Variants in GRM7 observed in about 807,000 individuals in gnomAD.
The protein encoded by GRM7 is glutamate metabotropic receptor 7, also known as metabotropic glutamate receptor 7.
Under a neutral mutation model 84.5 loss-of-function variants are expected in GRM7, and 35 were observed. The ratio of observed to expected loss-of-function variants is 0.41; its 90% confidence interval spans 0.32 to 0.55. The LOEUF (loss-of-function observed/expected upper bound fraction) is 0.55. Ranked by LOEUF, GRM7 falls within the 20% of genes least tolerant of loss-of-function variation. The probability of loss-of-function intolerance (pLI) is 0.19; values close to 1 mark genes in which losing one functional copy is unlikely to be tolerated. For missense variants in GRM7, 1,003 were observed against 1,194.6 expected (o/e 0.84, Z 2.36); for synonymous variants, 487 against 455.1 (o/e 1.07, Z -0.89).
intron 5 of GRM7, among the ~76,000 whole-genome samples, chr3:7,425,805 A>C (rs912684110): frequency 6.6e-6 from 1 of 152,250 alleles, no homozygotes; most frequent in Non-Finnish European, 1.5e-5. Flanking sequence ...AAAAGATGCC[A>C]AGAACCAAGC....
chr3:6,895,815 C>G (rs531079830), intron 1 of GRM7, among the ~76,000 whole-genome samples: 18 of 152,102 alleles, frequency 1.2e-4, no homozygotes, highest in Non-Finnish European at 1.9e-4. Flanking sequence ...TTCATGATTA[C>G]AACAACTGAA....
chr3:7,609,517 G>A lies in GRM7; in HGVS notation c.2451+30160G>A, dbSNP rs572468247. ...AACTTGCAGAGCTCGTGGAACAGAA[G>A]ATGAGCCTTTCCTCCACATTAGCAG... On this transcript the variant is annotated intron_variant, in intron 8 of 9. Coordinates refer to ENST00000357716, the MANE Select transcript of GRM7 (RefSeq NM_000844.4). 3.3e-5 allele frequency among the ~76,000 whole-genome samples: 5 copies of A among 152,260 alleles called. No individual in the cohort carries two copies. The East Asian group carries it at 9.7e-4, about 29-fold the overall frequency.
At chr3:7,375,028 C>G (rs1200988817) in intron 4 of GRM7, among the ~76,000 whole-genome samples, 1 of 152,056 alleles carries the variant, frequency 6.6e-6, no homozygotes, top group Non-Finnish European at 1.5e-5. Flanking sequence ...CCTCATTTTT[C>G]AGGTGGATGA....
intron 1 of GRM7, among the ~76,000 whole-genome samples, chr3:6,932,187 C>T (rs1327825259): frequency 6.6e-6 from 1 of 152,216 alleles, no homozygotes; most frequent in Non-Finnish European, 1.5e-5. Flanking sequence ...GATATTTTAA[C>T]ATGTACCTAT....
At chr3:7,280,066 A>G (rs1458241631) in intron 2 of GRM7, among the ~76,000 whole-genome samples, 1 of 152,178 alleles carries the variant, frequency 6.6e-6, no homozygotes, top group Non-Finnish European at 1.5e-5. Flanking sequence ...AAACAGGCAT[A>G]TTTGCTTTGT....
chr3:7,033,872 C>A (rs941626648), intron 1 of GRM7, among the ~76,000 whole-genome samples: 1 of 152,094 alleles, frequency 6.6e-6, no homozygotes, highest in African/African-American at 2.4e-5. Flanking sequence ...AAGAAGAGGA[C>A]CAAGTAGTAT....
Position 7,578,929 on chromosome 3 carries a change from AC to A in GRM7, c.2024del (p.Thr675ArgfsTer17). On this transcript the variant is annotated frameshift_variant, in exon 8 of 10. Transcript: ENST00000357716. LOFTEE classifies it high-confidence loss of function. ...GTGCATCAGTTATGCAGCCCTCTTGACGAAAACAAATCGGATTTATCGCATA... is the reference window on the plus strand; with the variant it reads ...GTGCATCAGTTATGCAGCCCTCTTGAGAAAACAAATCGGATTTATCGCATA... ...GMCISYAALL[T>X]KTNRIYRIFE... 1 of 1,614,084 alleles carries A rather than the reference AC, an allele frequency of 6.2e-7. No homozygotes were observed. Among genetic ancestry groups the A allele is most frequent in the Non-Finnish European group, 8.5e-7 (1 of 1,180,006 alleles).
At chr3:6,931,945 A>T (rs1697516395) in intron 1 of GRM7, among the ~76,000 whole-genome samples, 1 of 152,236 alleles carries the variant, frequency 6.6e-6, no homozygotes, top group Non-Finnish European at 1.5e-5. Context: ...AATTATTATG[A>T]TGCAATGAGA....
At chr3:7,674,520 A>G (rs989453265) in intron 8 of GRM7, among the ~76,000 whole-genome samples, 1 of 152,234 alleles carries the variant, frequency 6.6e-6, no homozygotes. Flanking sequence ...TGACAAATAC[A>G]AATTGTATAA....
chr3:7,458,950 G>T (rs550759099), intron 6 of GRM7, among the ~76,000 whole-genome samples: 3 of 152,058 alleles, frequency 2.0e-5, no homozygotes, highest in African/African-American at 7.2e-5. Flanking sequence ...TTATATGCTC[G>T]CAAGACTTGT....
chr3:6,903,046 A>G (rs1696448399), intron 1 of GRM7, among the ~76,000 whole-genome samples: 1 of 152,138 alleles, frequency 6.6e-6, no homozygotes, highest in South Asian at 2.1e-4. Context: ...CATGGGTGAC[A>G]TGAGAACAAT....
chr3:7,490,292 C>T (rs1699473890), intron 7 of GRM7, among the ~76,000 whole-genome samples: 1 of 152,020 alleles, frequency 6.6e-6, no homozygotes, highest in African/African-American at 2.4e-5. Flanking sequence ...AAAGTTATAG[C>T]ACAAAATGTA....
At chr3:7,600,977 T>A (rs943072700) in intron 8 of GRM7, among the ~76,000 whole-genome samples, 1 of 146,894 alleles carries the variant, frequency 6.8e-6, no homozygotes, top group African/African-American at 2.7e-5. Flanking sequence ...CTCTCTGTGA[T>A]ACAGCCACAC....
chr3:7,147,593 A>G (rs1694152350), intron 2 of GRM7, among the ~76,000 whole-genome samples: 1 of 152,210 alleles, frequency 6.6e-6, no homozygotes, highest in Non-Finnish European at 1.5e-5. Context: ...AATTGTGAAG[A>G]TACAGCTTTG....
intron 9 of GRM7, among the ~76,000 whole-genome samples, chr3:7,705,973 A>G (rs548613105): frequency 2.8e-4 from 42 of 152,312 alleles, no homozygotes; most frequent in Non-Finnish European, 4.7e-4. Flanking sequence ...TGAGGTATCA[A>G]TGTTGGCTTT....
chr3:7,068,354 A>G (rs534971279), intron 1 of GRM7, among the ~76,000 whole-genome samples: 1 of 152,176 alleles, frequency 6.6e-6, no homozygotes, highest in South Asian at 2.1e-4. Flanking sequence ...ATAATGTGGG[A>G]ATCACATCGA....
At chr3:7,686,728 T>C (rs972118797) in intron 9 of GRM7, among the ~76,000 whole-genome samples, 3 of 152,208 alleles carry the variant, frequency 2.0e-5, no homozygotes, top group African/African-American at 7.2e-5. Flanking sequence ...TTCCGACACA[T>C]GCTCTACTTT....
chr3:6,991,740 A>T (rs763862602), intron 1 of GRM7, among the ~76,000 whole-genome samples: 1 of 152,254 alleles, frequency 6.6e-6, no homozygotes, highest in Non-Finnish European at 1.5e-5. Context: ...TAATTAACAC[A>T]TCCATTCTGT....
chr3:7,060,824 T>C (rs1697412183), intron 1 of GRM7, among the ~76,000 whole-genome samples: 2 of 151,858 alleles, frequency 1.3e-5, no homozygotes, highest in South Asian at 4.1e-4. Flanking sequence ...TGGGGAAAGG[T>C]AAAGACAGTG....
Sources: allele counts gnomAD v4.1 joint callset (sites outside exome capture counted in the v4.1 genomes callset), GRCh38; gene constraint gnomAD v4.1.1; transcripts MANE v1.5; gene names NCBI Gene and HGNC (gene_info 2026-07-23, HGNC 2026-07-21).